The following TBC1D32 variants were observed in gnomAD, a reference collection of about 807,000 sequenced individuals.
TBC1D32 encodes protein broad-minded.
In TBC1D32, 151 loss-of-function variants were observed where a neutral mutation model predicts 170.3. That is an observed-to-expected ratio of 0.89 (90% CI 0.78 to 1.01). The LOEUF (loss-of-function observed/expected upper bound fraction) is 1.01. Ranked by LOEUF, TBC1D32 falls within the 50% of genes least tolerant of loss-of-function variation. The pLI, the probability that TBC1D32 is intolerant of heterozygous loss-of-function variation, is 0.00. For synonymous variants in TBC1D32, 498 were observed against 488.0 expected, an observed-to-expected ratio of 1.02 and a Z score of -0.27; for missense variants, 1,464 against 1,457.1, an observed-to-expected ratio of 1.00 and a Z score of -0.08.
At chr6:121,182,941 G>T in intron 22 of TBC1D32, among the ~76,000 whole-genome samples, 2 of 151,670 alleles carry the variant, frequency 1.3e-5, no homozygotes, top group Middle Eastern at 6.8e-3. Flanking sequence ...TAATGAAAAA[G>T]ATAAAGTATT....
intron 29 of TBC1D32, 102 bp from the exon 30 acceptor site, chr6:121,106,265 T>C (rs17083165): frequency 0.13 from 85,666 of 672,376 alleles, 6,768 homozygotes; most frequent in African/African-American, 0.3. Context: ...TTGCTGTAAA[T>C]TGCTGCTTCA....
Position 121,129,324 on chromosome 6 carries a change from G to A in TBC1D32, c.2899+2303C>T, listed in dbSNP as rs1485611897. The stretch of plus-strand genomic sequence containing the variant: ...TTGTGTTAGATTTTGCCCAGCCATA[G>A]GATAACTTAAGTATTCTGAGCACAT... On this transcript the variant is annotated intron_variant, in intron 25 of 31. Transcript: ENST00000398212. 2.0e-5 allele frequency among the ~76,000 whole-genome samples: 3 copies of A among 152,096 alleles called. No individual in the cohort carries two copies. The East Asian group carries it at 5.8e-4, about 29-fold the overall frequency.
intron 15 of TBC1D32, among the ~76,000 whole-genome samples, chr6:121,271,148 C>A (rs565662685): frequency 6.6e-6 from 1 of 152,208 alleles, no homozygotes; most frequent in Non-Finnish European, 1.5e-5. Flanking sequence ...AAACCCACAG[C>A]CAATATCATA....
intron 17 of TBC1D32, 41 bp downstream of exon 17, chr6:121,255,287 G>T (rs928286530): frequency 1.7e-6 from 2 of 1,201,234 alleles, no homozygotes; most frequent in Non-Finnish European, 1.2e-6. Flanking sequence ...ATTTATTTCA[G>T]CAAATATAAT....
chr6:121,271,353 T>C (rs1801385955), intron 15 of TBC1D32, among the ~76,000 whole-genome samples: 1 of 152,156 alleles, frequency 6.6e-6, no homozygotes, highest in Non-Finnish European at 1.5e-5. Context: ...TGATTGTATA[T>C]TTAGAAAACC....
intron 4 of TBC1D32, 94 bp from the exon 5 acceptor site, chr6:121,308,195 G>A (rs1807620810): frequency 1.7e-6 from 2 of 1,202,416 alleles, no homozygotes; most frequent in African/African-American, 3.1e-5. Context: ...AAAAGGTAAA[G>A]TCTGGATAAT....
chr6:121,223,125 A>G (rs1282467728), intron 21 of TBC1D32, 111 bp downstream of exon 21: 1 of 667,350 alleles, frequency 1.5e-6, no homozygotes, highest in Admixed American at 3.3e-5. Context: ...TCAGCCCTTA[A>G]ATGCCATTAC....
At chr6:121,240,259 C>T (rs1352793231) in intron 19 of TBC1D32, among the ~76,000 whole-genome samples, 1 of 150,348 alleles carries the variant, frequency 6.7e-6, no homozygotes, top group African/African-American at 2.5e-5. Flanking sequence ...GAGATTAAAT[C>T]TAGTCTCCAA....
intron 3 of TBC1D32, among the ~76,000 whole-genome samples, chr6:121,313,120 G>C (rs1808464258): frequency 1.8e-5 from 1 of 56,108 alleles, no homozygotes; most frequent in Non-Finnish European, 3.5e-5. Context: ...GTGTGTGTGT[G>C]TGTGTGTGTG....
intron 15 of TBC1D32, among the ~76,000 whole-genome samples, chr6:121,274,826 G>T (rs944566449): frequency 1.3e-5 from 2 of 152,140 alleles, no homozygotes; most frequent in Non-Finnish European, 2.9e-5. Context: ...AGGTGGGAAG[G>T]CTCAAAAACA....
chr6:121,126,215 T>G (rs1462678478), intron 26 of TBC1D32, among the ~76,000 whole-genome samples, 163 bp downstream of exon 26: 1 of 152,074 alleles, frequency 6.6e-6, no homozygotes, highest in Non-Finnish European at 1.5e-5. Context: ...AACCTAGACA[T>G]TTACAAAGAA....
intron 24 of TBC1D32, among the ~76,000 whole-genome samples, chr6:121,148,926 C>A (rs962675593): frequency 2.0e-5 from 3 of 152,168 alleles, no homozygotes; most frequent in Admixed American, 1.3e-4. Flanking sequence ...CCATTGTTAC[C>A]TGACTTTTTA....
At chr6:121,095,652 A>G (rs991131422) in intron 30 of TBC1D32, among the ~76,000 whole-genome samples, 3 of 152,106 alleles carry the variant, frequency 2.0e-5, no homozygotes, top group Non-Finnish European at 4.4e-5. Context: ...AGGGGTGCTG[A>G]ATTTTGTCGA....
chr6:121,171,624 T>C (rs946590560), intron 22 of TBC1D32, among the ~76,000 whole-genome samples: 5 of 152,264 alleles, frequency 3.3e-5, no homozygotes, highest in African/African-American at 1.2e-4. Flanking sequence ...GATTACATAT[T>C]AAAACAGATA....
At chr6:121,208,016 C>T (rs1427767615) in intron 21 of TBC1D32, among the ~76,000 whole-genome samples, 1 of 151,630 alleles carries the variant, frequency 6.6e-6, no homozygotes, top group Admixed American at 6.6e-5. Flanking sequence ...AAACTCCTTC[C>T]TTGGGATTTT....
At chr6:121,178,756 C>T (rs1652470966) in intron 22 of TBC1D32, among the ~76,000 whole-genome samples, 1 of 152,168 alleles carries the variant, frequency 6.6e-6, no homozygotes, top group Admixed American at 6.5e-5. Context: ...TGTTGGGTGT[C>T]TCCTGTGCTA....
intron 2 of TBC1D32, 114 bp from the exon 3 acceptor site, chr6:121,317,786 A>C: frequency 3.0e-6 from 2 of 674,690 alleles, no homozygotes; most frequent in Non-Finnish European, 2.3e-6. Flanking sequence ...TAAGAACACA[A>C]TGCTAAGGAG....
intron 20 of TBC1D32, among the ~76,000 whole-genome samples, chr6:121,229,218 A>G (rs1795432089): frequency 6.6e-6 from 1 of 152,086 alleles, no homozygotes; most frequent in Admixed American, 6.6e-5. Context: ...GACCTTTACA[A>G]TAATCATTTT....
At chr6:121,149,586 T>G (rs1783939836) in intron 24 of TBC1D32, among the ~76,000 whole-genome samples, 1 of 152,194 alleles carries the variant, frequency 6.6e-6, no homozygotes, top group Admixed American at 6.5e-5. Context: ...GTGCTATTTC[T>G]GAGGCCTCTG....
Sources: gnomAD v4.1 joint callset for allele counts (sites outside exome capture counted in the v4.1 genomes callset) on GRCh38, gnomAD v4.1.1 for gene constraint, MANE v1.5 for transcripts, NCBI Gene and HGNC (gene_info 2026-07-23, HGNC 2026-07-21) for gene names.